FSTL5: variants seen among roughly 807,000 people sequenced by gnomAD.
FSTL5 encodes the protein follistatin-related protein 5.
In FSTL5, 62 loss-of-function variants were observed where a neutral mutation model predicts 89.1. The observed-to-expected ratio is 0.70, with a 90% CI of 0.57 to 0.86. FSTL5 has a LOEUF of 0.86. Among genes scored for constraint, FSTL5 ranks in the 40% least tolerant of loss-of-function variants. The pLI is 0.00. For missense variants in FSTL5, 1,057 were observed against 1,001.6 expected (o/e 1.06, Z -0.75); for synonymous variants, 383 against 346.2 (o/e 1.11, Z -1.18).
In FSTL5 at chr4:161,995,951, T is replaced by C. The variant is rs72978680; in HGVS notation, c.160+37674A>G. On this transcript the variant is annotated intron_variant, in intron 3 of 15. Transcript: ENST00000306100. The stretch of plus-strand genomic sequence containing the variant: ...TCAGTGTCCTAAAAAGGCCATACTC[T>C]TAAACAGCCATCACCTAAAAGGATA... Among the ~76,000 whole-genome samples, 1,494 of 152,184 alleles carry C rather than the reference T, an allele frequency of 9.8e-3. 26 individuals are homozygous for C. The highest frequency in any genetic ancestry group is 0.034 in the African/African-American group (1,416 of 41,506).
intron 7 of FSTL5, among the ~76,000 whole-genome samples, chr4:161,638,397 A>C (rs1442474702): frequency 6.6e-6 from 1 of 152,184 alleles, no homozygotes; most frequent in African/African-American, 2.4e-5. Flanking sequence ...ATATACAACC[A>C]TGTCGTCTGC....
rs751132063 is a variant in FSTL5 at position 161,977,633 on chromosome 4, A to ATAATAATAATAAT, written c.160+55991_160+55992insATTATTATTATTA. Among the ~76,000 whole-genome samples the ATAATAATAATAAT allele has an allele frequency of 1.6e-3, 179 of 112,536 alleles. 1 individual carries two copies. Among genetic ancestry groups the ATAATAATAATAAT allele is most frequent in the East Asian group, 6.7e-3 (26 of 3,858 alleles). 73.8% of individuals were successfully genotyped at this position (112,536 alleles called of 152,430 possible). ...GTGTCAAAAAAAAAAAAAAAAAAAA[A>ATAATAATAATAAT]AAAAAAAATAATAATAATAATAATA... On this transcript the variant is annotated intron_variant, in intron 3 of 15. Coordinates refer to ENST00000306100, the MANE Select transcript of FSTL5 (RefSeq NM_020116.5).
At chr4:161,490,969 C>T (rs1729851010) in intron 12 of FSTL5, among the ~76,000 whole-genome samples, 1 of 151,886 alleles carries the variant, frequency 6.6e-6, no homozygotes, top group African/African-American at 2.4e-5. Flanking sequence ...ATAAGTGTTA[C>T]TTAAAGACTT....
At chr4:161,764,315 G>A (rs538351513) in intron 5 of FSTL5, among the ~76,000 whole-genome samples, 1 of 152,290 alleles carries the variant, frequency 6.6e-6, no homozygotes, top group East Asian at 1.9e-4. Flanking sequence ...CTGGAATGCA[G>A]TGGTGCGATC....
In FSTL5 at chr4:161,507,423, C is replaced by G. The variant is rs376180168; in HGVS notation, c.1339+2975G>C. Among the ~76,000 whole-genome samples, 117 of 151,486 alleles carry G rather than the reference C, an allele frequency of 7.7e-4. 1 individual carries two copies. In the South Asian group the frequency reaches 0.022, roughly 29 times the overall value. On this transcript the variant is annotated intron_variant, in intron 11 of 15. Transcript: ENST00000306100. ...GCATGTATATTTAAATGTATTATAT[C>G]TATAATTTAATATATAGTAAAACTA...
chr4:161,685,479 A>T (rs1737680191), intron 6 of FSTL5, among the ~76,000 whole-genome samples: 1 of 152,028 alleles, frequency 6.6e-6, no homozygotes, highest in African/African-American at 2.4e-5. Context: ...TGTTAGGTAT[A>T]TTCCTAAGTG....
intron 2 of FSTL5, among the ~76,000 whole-genome samples, chr4:162,100,357 G>A (rs569665265): frequency 3.9e-5 from 6 of 152,060 alleles, no homozygotes; most frequent in Admixed American, 3.3e-4. Context: ...TCAGGAGATC[G>A]AGACCATCCT....
chr4:161,493,296 A>T (rs368985268), intron 12 of FSTL5, among the ~76,000 whole-genome samples: 1 of 151,914 alleles, frequency 6.6e-6, no homozygotes. Context: ...TCATAGAAGA[A>T]CACGAACAGA....
At position 161,386,419 on chromosome 4, in the gene FSTL5, A is replaced by C; in HGVS notation, c.1872T>G (p.Ala624=). The C allele has an allele frequency of 6.2e-7, 1 of 1,611,834 alleles. No homozygotes were observed. The highest frequency in any genetic ancestry group is 8.5e-7 in the Non-Finnish European group (1 of 1,178,846). The change falls in exon 16 of 16, where the codon GCT becomes GCG. Residue 624 remains alanine (A), a synonymous_variant. Coordinates refer to ENST00000306100, the MANE Select transcript of FSTL5 (RefSeq NM_020116.5). ...RFGFILHKDE[A]ALQKIDLETM... ...TTTCAAGATCAATTTTTTGTAGTGC[A>C]GCTTCATCTTTATGAAGAATAAATC...
At chr4:162,084,007 G>A (rs1374120598) in intron 2 of FSTL5, among the ~76,000 whole-genome samples, 1 of 151,736 alleles carries the variant, frequency 6.6e-6, no homozygotes, top group Non-Finnish European at 1.5e-5. Flanking sequence ...ATGTGTATTT[G>A]TGGGAAAAAA....
At chr4:161,959,280 CATAT>C (rs1480574150) in intron 3 of FSTL5, among the ~76,000 whole-genome samples, 5 of 152,176 alleles carry the variant, frequency 3.3e-5, no homozygotes, top group Admixed American at 6.6e-5. Flanking sequence ...CTTTCAAAGA[CATAT>C]ATTTATTTTA....
chr4:162,146,239 A>G (rs1190197791), intron 1 of FSTL5, among the ~76,000 whole-genome samples: 2 of 152,118 alleles, frequency 1.3e-5, no homozygotes, highest in East Asian at 3.9e-4. Flanking sequence ...ATATCTATCT[A>G]TGAATCTATG....
chr4:161,667,386 T>G (rs1193316914), intron 6 of FSTL5, among the ~76,000 whole-genome samples: 1 of 152,104 alleles, frequency 6.6e-6, no homozygotes, highest in Non-Finnish European at 1.5e-5. Flanking sequence ...GGGTGGCCAC[T>G]CAAAGTAGTC....
chr4:162,029,767 T>G (rs1364304435), intron 3 of FSTL5, among the ~76,000 whole-genome samples: 1 of 152,118 alleles, frequency 6.6e-6, no homozygotes, highest in Non-Finnish European at 1.5e-5. Context: ...ATAAAATTCA[T>G]ATCTATAAAA....
intron 3 of FSTL5, among the ~76,000 whole-genome samples, chr4:162,018,137 C>G (rs772496860): frequency 6.6e-6 from 1 of 152,148 alleles, no homozygotes; most frequent in East Asian, 1.9e-4. Flanking sequence ...TACACAGGCC[C>G]CTTCTCAGAT....
Position 161,457,645 on chromosome 4 carries a change from A to T in FSTL5, c.1716+1567T>A, listed in dbSNP as rs566844043. Among the ~76,000 whole-genome samples the T allele has an allele frequency of 1.2e-3, 178 of 151,366 alleles. 3 individuals are homozygous for T. The Middle Eastern group carries it at 0.034, about 29-fold the overall frequency. On this transcript the variant is annotated intron_variant, in intron 14 of 15. Transcript: ENST00000306100. ...AAAATATATGCAGCTTTAGTTTTTTAAAAAAAAAGACATGAAAAAATTAAA... is the reference window on the plus strand; with the variant it reads ...AAAATATATGCAGCTTTAGTTTTTTTAAAAAAAAGACATGAAAAAATTAAA...
intron 7 of FSTL5, among the ~76,000 whole-genome samples, chr4:161,603,503 C>T (rs1436472533): frequency 6.6e-6 from 1 of 152,058 alleles, no homozygotes; most frequent in East Asian, 1.9e-4. Flanking sequence ...GAAAACAACC[C>T]TCCCCAAAAT....
intron 2 of FSTL5, among the ~76,000 whole-genome samples, chr4:162,090,938 G>C (rs552431538): frequency 6.6e-6 from 1 of 151,822 alleles, no homozygotes; most frequent in Non-Finnish European, 1.5e-5. Context: ...TCTGAAAGTT[G>C]TACTCTTGTT....
At chr4:161,400,588 C>A (rs1160427255) in intron 15 of FSTL5, among the ~76,000 whole-genome samples, 1 of 151,710 alleles carries the variant, frequency 6.6e-6, no homozygotes. Flanking sequence ...TAAAAAGATT[C>A]CTTACAGTAT....
Sources: gnomAD v4.1 joint callset for allele counts (sites outside exome capture counted in the v4.1 genomes callset) on GRCh38, gnomAD v4.1.1 for gene constraint, MANE v1.5 for transcripts, NCBI Gene and HGNC (gene_info 2026-07-23, HGNC 2026-07-21) for gene names.